Variants in IL16 observed in about 807,000 individuals in gnomAD.
IL16 encodes interleukin 16, also known as pro-interleukin-16.
A neutral mutation model predicts 110.1 loss-of-function variants in IL16; 67 were observed. The observed-to-expected ratio is 0.61, with a 90% CI of 0.50 to 0.75. The LOEUF (loss-of-function observed/expected upper bound fraction) is 0.75. IL16 is among the 30% of genes least tolerant of loss of function. The pLI is 0.00. For synonymous variants in IL16, 689 were observed against 662.9 expected, an observed-to-expected ratio of 1.04 and a Z score of -0.61; for missense variants, 1,545 against 1,655.0, an observed-to-expected ratio of 0.93 and a Z score of 1.15.
chr15:81,294,344 G>A (rs1186388430), intron 12 of IL16, among the ~76,000 whole-genome samples: 1 of 152,202 alleles, frequency 6.6e-6, no homozygotes, highest in African/African-American at 2.4e-5. Context: ...AGACCTATGA[G>A]TCCAGAAGGG....
At chr15:81,252,012 CTATGGA>C (rs1897785190) in intron 2 of IL16, among the ~76,000 whole-genome samples, 3 of 152,164 alleles carry the variant, frequency 2.0e-5, no homozygotes, top group Non-Finnish European at 2.9e-5. Flanking sequence ...CTGTAAACAA[CTATGGA>C]TATTTTAATC....
intron 2 of IL16, among the ~76,000 whole-genome samples, chr15:81,250,763 G>C (rs895574163): frequency 2.0e-5 from 3 of 152,088 alleles, no homozygotes; most frequent in Admixed American, 6.5e-5. Flanking sequence ...TATTCCTCTG[G>C]GGGGAAGATT....
chr15:81,263,663 A>C (rs1898252292), intron 3 of IL16, among the ~76,000 whole-genome samples: 1 of 152,210 alleles, frequency 6.6e-6, no homozygotes, highest in Admixed American at 6.5e-5. Flanking sequence ...TGGCCTGAGC[A>C]GTTGCACTGG....
In IL16 at chr15:81,203,589, C is replaced by T. The variant is rs866364810; in HGVS notation, c.-102+6437C>T. On this transcript the variant is annotated intron_variant, in intron 1 of 18. Coordinates refer to ENST00000683961, the MANE Select transcript of IL16 (RefSeq NM_172217.5). ...TTTATTAAATAGGGAATCCTTTCCCCATTGCTTGTTTTTGTCAGGTTTGTC... is the reference window on the plus strand; with the variant it reads ...TTTATTAAATAGGGAATCCTTTCCCTATTGCTTGTTTTTGTCAGGTTTGTC... Among the ~76,000 whole-genome samples the T allele has an allele frequency of 6.9e-3, 1,043 of 152,076 alleles. 15 individuals carry two copies. Among genetic ancestry groups the T allele is most frequent in the African/African-American group, 0.024 (995 of 41,472 alleles).
At chr15:81,209,717 C>T (rs114721012) in intron 1 of IL16, among the ~76,000 whole-genome samples, 12,784 of 152,188 alleles carry the variant, frequency 0.084, 534 homozygotes, top group Middle Eastern at 0.1. Context: ...CACCCACTCA[C>T]TTCTCCCTTC....
chr15:81,288,829 A>ATGTGTGTGTG (rs149894902), intron 10 of IL16, among the ~76,000 whole-genome samples: 5,769 of 140,926 alleles, frequency 0.041, 296 homozygotes, highest in African/African-American at 0.12. Flanking sequence ...TAGTATGTGT[A>ATGTGTGTGTG]TGTGTGTGTG....
intron 3 of IL16, among the ~76,000 whole-genome samples, chr15:81,263,747 C>T (rs1025504749): frequency 3.3e-5 from 5 of 152,188 alleles, no homozygotes; most frequent in African/African-American, 1.2e-4. Flanking sequence ...TTTGTTCATC[C>T]TCATTCCCTC....
intron 11 of IL16, 91 bp from the exon 12 acceptor site, chr15:81,292,465 T>C (rs756068135): frequency 6.4e-7 from 1 of 1,571,414 alleles, no homozygotes; most frequent in South Asian, 1.1e-5. Context: ...CGATGTGCAG[T>C]GTGCTGCCCG....
chr15:81,227,124 A>T (rs750244946), intron 2 of IL16, among the ~76,000 whole-genome samples: 1 of 152,158 alleles, frequency 6.6e-6, no homozygotes, highest in Non-Finnish European at 1.5e-5. Context: ...GGAAAAAGGC[A>T]TCATGTCTCT....
intron 1 of IL16, among the ~76,000 whole-genome samples, chr15:81,221,924 A>G (rs1209948664): frequency 2.6e-5 from 4 of 152,150 alleles, no homozygotes; most frequent in Non-Finnish European, 4.4e-5. Context: ...AGTTTCCACC[A>G]AGGAATTTGA....
At chr15:81,194,991 G>T (rs893932550), upstream of IL16, among the ~76,000 whole-genome samples, 3 of 152,092 alleles carry the variant, frequency 2.0e-5, no homozygotes, top group African/African-American at 7.2e-5. Flanking sequence ...GCAGTGAGCT[G>T]GACTATGGAG....
At chr15:81,281,999 A>G (rs1378071758) in intron 8 of IL16, among the ~76,000 whole-genome samples, 1 of 152,212 alleles carries the variant, frequency 6.6e-6, no homozygotes, top group Admixed American at 6.5e-5. Flanking sequence ...CCTTGTTCAC[A>G]GTTCTCCTAT....
chr15:81,286,124 A>C (rs1478285623), intron 10 of IL16, among the ~76,000 whole-genome samples: 1 of 152,216 alleles, frequency 6.6e-6, no homozygotes, highest in Non-Finnish European at 1.5e-5. Flanking sequence ...AAATTTATTC[A>C]TTTATGCGTC....
chr15:81,294,356 A>G (rs1899884525), intron 12 of IL16, among the ~76,000 whole-genome samples: 1 of 152,206 alleles, frequency 6.6e-6, no homozygotes, highest in Non-Finnish European at 1.5e-5. Context: ...CCAGAAGGGC[A>G]AATCAGGAGC....
intron 1 of IL16, among the ~76,000 whole-genome samples, chr15:81,212,536 A>G (rs1458527362): frequency 2.0e-5 from 3 of 151,988 alleles, no homozygotes; most frequent in East Asian, 1.9e-4. Context: ...CAGTGGTGCA[A>G]TCCTGGCTTA....
At chr15:81,232,282 A>G (rs1197291578) in intron 2 of IL16, among the ~76,000 whole-genome samples, 1 of 151,796 alleles carries the variant, frequency 6.6e-6, no homozygotes, top group African/African-American at 2.4e-5. Flanking sequence ...GTTACCTACC[A>G]TTTCTGAATA....
chr15:81,313,337 G>A lies in IL16; in HGVS notation c.*4539G>A, dbSNP rs775687704. 45 of 1,579,048 alleles carry A rather than the reference G, an allele frequency of 2.8e-5. No homozygotes were observed. The East Asian group carries it at 4.1e-4, about 14-fold the overall frequency. ...TGCGGGGGAAGAAGGAGTCCACCAC[G>A]TTCTGTGGGAGGTAACCGCTGAGGT... is the stretch of plus-strand genomic sequence containing the variant. On this transcript the variant is annotated 3_prime_UTR_variant, in exon 19 of 19. Coordinates refer to ENST00000683961, the MANE Select transcript of IL16 (RefSeq NM_172217.5).
intron 2 of IL16, among the ~76,000 whole-genome samples, chr15:81,231,315 G>GGTC (rs1896964172): frequency 2.6e-5 from 2 of 77,184 alleles, no homozygotes. Context: ...ATCTACCCAA[G>GGTC]GTCGGTCTGT....
rs558923367 is a variant in IL16 at position 81,278,210 on chromosome 15, A to T, written c.791-607A>T. Among the ~76,000 whole-genome samples the T allele has an allele frequency of 3.9e-5, 6 of 152,232 alleles. No homozygotes were observed. The South Asian group carries it at 1.2e-3, about 32-fold the overall frequency. On this transcript the variant is annotated intron_variant, in intron 6 of 18. Coordinates refer to ENST00000683961, the MANE Select transcript of IL16 (RefSeq NM_172217.5). Reference sequence around the variant, plus strand: ...CTCATTCAGCATTGGTCCTGGGGATATATCATCTAATAAGACAAAATCCCT... The same window carrying T: ...CTCATTCAGCATTGGTCCTGGGGATTTATCATCTAATAAGACAAAATCCCT...
Sources: gnomAD v4.1 joint callset for allele counts (sites outside exome capture counted in the v4.1 genomes callset) on GRCh38, gnomAD v4.1.1 for gene constraint, MANE v1.5 for transcripts, NCBI Gene and HGNC (gene_info 2026-07-23, HGNC 2026-07-21) for gene names.